The following TCF12 variants were observed in gnomAD, a reference collection of about 807,000 sequenced individuals.
TCF12 encodes the protein transcription factor 12.
In TCF12, 45 loss-of-function variants were observed where a neutral mutation model predicts 86.0. That is an observed-to-expected ratio of 0.52 (90% confidence interval 0.41 to 0.67). The LOEUF (loss-of-function observed/expected upper bound fraction) is 0.67. TCF12 is among the 30% of genes least tolerant of loss of function. The probability of loss-of-function intolerance (pLI) is 0.00; values close to 1 mark genes in which losing one functional copy is unlikely to be tolerated. For missense variants in TCF12, 881 were observed against 859.9 expected (o/e 1.02, Z -0.31); for synonymous variants, 330 against 299.6 (o/e 1.10, Z -1.05).
At chr15:57,178,922 T>C (rs1457252431) in intron 6 of TCF12, among the ~76,000 whole-genome samples, 1 of 152,218 alleles carries the variant, frequency 6.6e-6, no homozygotes, top group Non-Finnish European at 1.5e-5. Flanking sequence ...ATTTAGCTTG[T>C]TCTCTTCATA....
chr15:57,139,945 C>T (rs1055689218), intron 5 of TCF12, among the ~76,000 whole-genome samples: 7 of 152,098 alleles, frequency 4.6e-5, no homozygotes, highest in African/African-American at 9.7e-5. Flanking sequence ...TAGTAGATGC[C>T]GTCTTTCCCA....
chr15:57,250,061 A>G (rs1339271075), intron 13 of TCF12, among the ~76,000 whole-genome samples: 1 of 151,600 alleles, frequency 6.6e-6, no homozygotes, highest in Non-Finnish European at 1.5e-5. Context: ...TTTAAATTAG[A>G]TTTATACCTT....
intron 5 of TCF12, among the ~76,000 whole-genome samples, chr15:57,115,018 A>G (rs987720256): frequency 1.3e-5 from 2 of 152,214 alleles, no homozygotes; most frequent in Non-Finnish European, 2.9e-5. Context: ...GTTTTAAACA[A>G]TTCTCAAACA....
intron 5 of TCF12, among the ~76,000 whole-genome samples, chr15:57,109,647 A>G (rs2050359533): frequency 2.0e-5 from 3 of 152,172 alleles, no homozygotes; most frequent in African/African-American, 7.2e-5. Context: ...TGTTGCGTAT[A>G]GTATTTTAGG....
intron 8 of TCF12, among the ~76,000 whole-genome samples, chr15:57,223,653 T>TTTTTTGTTTGTTTTTTG (rs1555400234): frequency 7.4e-5 from 10 of 135,294 alleles, no homozygotes; most frequent in African/African-American, 1.9e-4. Flanking sequence ...GTTTTTTTTT[T>TTTTTTGTTTGTTTTTTG]TTTTTTTTTT....
chr15:57,069,890 A>G (rs927263731), intron 4 of TCF12, among the ~76,000 whole-genome samples: 3 of 152,254 alleles, frequency 2.0e-5, no homozygotes, highest in Non-Finnish European at 2.9e-5. Context: ...AGTATAGTGT[A>G]TTGGGTAGAA....
rs869113042 is a variant in TCF12 at position 57,136,958 on chromosome 15, G to GTTTTTTTTTTTTTTTTTTTTTTTTTT, written c.326-29433_326-29432insTTTTTTTTTTTTTTTTTTTTTTTTTT. Among the ~76,000 whole-genome samples the GTTTTTTTTTTTTTTTTTTTTTTTTTT allele has an allele frequency of 1.1e-4, 9 of 83,000 alleles. 4 individuals carry two copies. The highest frequency in any genetic ancestry group is 2.9e-4 in the African/African-American group (6 of 20,770). The allele number at this position is 83,000 out of a possible 152,430, so 54.5% of individuals were successfully genotyped here. ...TAGACAATAGCCACTGCTTCTGGCA[G>GTTTTTTTTTTTTTTTTTTTTTTTTTT]TTTTTTTTTTTGTTTTTTTTTTTTT... On this transcript the variant is annotated intron_variant, in intron 5 of 20. Coordinates refer to ENST00000333725, the MANE Select transcript of TCF12 (RefSeq NM_207037.2).
chr15:56,960,860 C>G (rs1359136033), intron 3 of TCF12, among the ~76,000 whole-genome samples: 4 of 151,910 alleles, frequency 2.6e-5, no homozygotes, highest in African/African-American at 9.7e-5. Context: ...ATTTATTAGG[C>G]CGGGCACAGT....
intron 16 of TCF12, among the ~76,000 whole-genome samples, chr15:57,254,678 G>A (rs1435745390): frequency 6.6e-6 from 1 of 151,694 alleles, no homozygotes; most frequent in Non-Finnish European, 1.5e-5. Flanking sequence ...AACAAAGTGA[G>A]ACCCTCATCT....
intron 5 of TCF12, among the ~76,000 whole-genome samples, chr15:57,150,495 C>A (rs1293822050): frequency 6.6e-6 from 1 of 152,190 alleles, no homozygotes; most frequent in Non-Finnish European, 1.5e-5. Context: ...AAGGAGCAAA[C>A]TGATTCCAAG....
intron 3 of TCF12, among the ~76,000 whole-genome samples, chr15:57,008,386 T>TTTTTTTCG (rs2064607680): frequency 6.6e-6 from 1 of 151,008 alleles, no homozygotes; most frequent in Non-Finnish European, 1.5e-5. Flanking sequence ...TTTTTTTTTC[T>TTTTTTTCG]TTTTTTCGAG....
intron 4 of TCF12, among the ~76,000 whole-genome samples, chr15:57,064,640 C>A (rs1596353859): frequency 1.3e-5 from 2 of 151,514 alleles, no homozygotes; most frequent in Non-Finnish European, 2.9e-5. Context: ...ACTAAAAATA[C>A]AAAAATTAGC....
chr15:57,069,909 A>G (rs2069218421), intron 4 of TCF12, among the ~76,000 whole-genome samples: 1 of 152,202 alleles, frequency 6.6e-6, no homozygotes, highest in African/African-American at 2.4e-5. Context: ...AATAGCATAG[A>G]ATTTAAGAGC....
intron 5 of TCF12, among the ~76,000 whole-genome samples, chr15:57,125,449 A>C (rs951321697): frequency 6.6e-6 from 1 of 152,248 alleles, no homozygotes; most frequent in Non-Finnish European, 1.5e-5. Flanking sequence ...ACTATTTTAC[A>C]GTTACACGAG....
intron 5 of TCF12, among the ~76,000 whole-genome samples, chr15:57,126,872 G>A (rs565128365): frequency 1.3e-5 from 2 of 152,172 alleles, no homozygotes; most frequent in Non-Finnish European, 2.9e-5. Flanking sequence ...TCTGTCCAAT[G>A]TGGCTATTTT....
At position 56,942,151 on chromosome 15, in the gene TCF12, C is replaced by T. The variant is rs146963875; in HGVS notation, c.148+21053C>T. Among the ~76,000 whole-genome samples, 12 of 152,218 alleles carry T rather than the reference C, an allele frequency of 7.9e-5. No homozygotes were observed. The East Asian group carries it at 1.9e-3, about 24-fold the overall frequency. ...GGTACTCTGAAAGTGCCCATTTGCT[C>T]TGTGTGAAAAGAGCAGGTTTGCATT... is the stretch of plus-strand genomic sequence containing the variant. On this transcript the variant is annotated intron_variant, in intron 3 of 20. Coordinates refer to ENST00000333725, the MANE Select transcript of TCF12 (RefSeq NM_207037.2).
At chr15:57,223,651 T>TTTTTTTGTTTTTTTTTTG (rs1566940679) in intron 8 of TCF12, among the ~76,000 whole-genome samples, 4 of 139,194 alleles carry the variant, frequency 2.9e-5, no homozygotes, top group African/African-American at 1.0e-4. Context: ...AGGTTTTTTT[T>TTTTTTTGTTTTTTTTTTG]TTTTTTTTTT....
At chr15:57,233,887 T>C (rs1247668876) in intron 11 of TCF12, among the ~76,000 whole-genome samples, 156 bp from the exon 12 acceptor site, 5 of 152,242 alleles carry the variant, frequency 3.3e-5, no homozygotes, top group Non-Finnish European at 5.9e-5. Context: ...ACCTCATCTT[T>C]AGTTTATTAA....
chr15:57,096,695 C>T (rs1490245682), intron 5 of TCF12, among the ~76,000 whole-genome samples: 2 of 152,068 alleles, frequency 1.3e-5, no homozygotes, highest in Non-Finnish European at 2.9e-5. Flanking sequence ...TGTATACATT[C>T]GGCACAGATG....
Sources: gnomAD v4.1 joint callset for allele counts (sites outside exome capture counted in the v4.1 genomes callset) on GRCh38, gnomAD v4.1.1 for gene constraint, MANE v1.5 for transcripts, NCBI Gene and HGNC (gene_info 2026-07-23, HGNC 2026-07-21) for gene names.